Variants in PACRG observed in about 807,000 individuals in gnomAD.
PACRG encodes parkin coregulated gene protein.
Under a neutral mutation model 29.7 loss-of-function variants are expected in PACRG, and 29 were observed. That is an observed-to-expected ratio of 0.98 (90% CI 0.73 to 1.33). The LOEUF is 1.33. Among genes scored for constraint, PACRG ranks in the 40% most tolerant of loss-of-function variants. The pLI is 0.00. For missense variants in PACRG, 279 were observed against 316.2 expected (o/e 0.88, Z 0.89); for synonymous variants, 116 against 118.7 (o/e 0.98, Z 0.15).
At chr6:163,237,845 C>T (rs188817247) in intron 4 of PACRG, among the ~76,000 whole-genome samples, 27 of 152,302 alleles carry the variant, frequency 1.8e-4, no homozygotes, top group African/African-American at 5.1e-4. Flanking sequence ...TAAGCCAAGT[C>T]ATCAGGAAAA....
chr6:162,821,881 A>G (rs1787873188), intron 2 of PACRG, among the ~76,000 whole-genome samples: 1 of 152,192 alleles, frequency 6.6e-6, no homozygotes, highest in South Asian at 2.1e-4. Context: ...ACAGATGACA[A>G]ATGGAATCAG....
At chr6:162,992,491 G>C (rs1026978394) in intron 2 of PACRG, among the ~76,000 whole-genome samples, 1 of 148,036 alleles carries the variant, frequency 6.8e-6, no homozygotes, top group Non-Finnish European at 1.5e-5. Flanking sequence ...GTCGAGGAAT[G>C]TATCCATTTC....
chr6:163,292,687 G>C (rs764200048), intron 4 of PACRG, among the ~76,000 whole-genome samples: 28 of 152,022 alleles, frequency 1.8e-4, no homozygotes, highest in Non-Finnish European at 3.5e-4. Context: ...GCCTCCCAGA[G>C]TGCTGGGATT....
At chr6:163,083,573 C>T (rs1813273304) in intron 3 of PACRG, among the ~76,000 whole-genome samples, 1 of 152,166 alleles carries the variant, frequency 6.6e-6, no homozygotes, top group African/African-American at 2.4e-5. Context: ...CCTAAATTAA[C>T]TGAGACCTGT....
intron 3 of PACRG, among the ~76,000 whole-genome samples, chr6:163,085,336 G>C (rs1813457080): frequency 6.6e-6 from 1 of 152,152 alleles, no homozygotes; most frequent in South Asian, 2.1e-4. Flanking sequence ...TAAGGAGTGG[G>C]ATGGGAAGGA....
chr6:163,030,484 C>A (rs1235487129), intron 2 of PACRG, among the ~76,000 whole-genome samples: 3 of 152,130 alleles, frequency 2.0e-5, no homozygotes, highest in Non-Finnish European at 4.4e-5. Flanking sequence ...CATCAGAGCT[C>A]CCCTTCCCAG....
intron 2 of PACRG, among the ~76,000 whole-genome samples, chr6:162,960,510 A>T (rs1025417751): frequency 2.0e-5 from 3 of 152,220 alleles, no homozygotes; most frequent in African/African-American, 7.2e-5. Flanking sequence ...AGGAACAGAA[A>T]ACCAAATACT....
chr6:162,998,426 A>C (rs1200105350), intron 2 of PACRG, among the ~76,000 whole-genome samples: 1 of 152,120 alleles, frequency 6.6e-6, no homozygotes, highest in Non-Finnish European at 1.5e-5. Context: ...TTACTTTTTA[A>C]AGGATTAATG....
chr6:163,078,288 G>A (rs1265289060), intron 3 of PACRG, among the ~76,000 whole-genome samples: 3 of 152,150 alleles, frequency 2.0e-5, no homozygotes, highest in African/African-American at 7.2e-5. Flanking sequence ...GTCACCTGAG[G>A]TCAGAAGTTC....
chr6:162,952,689 C>A (rs1799741877), intron 2 of PACRG, among the ~76,000 whole-genome samples: 1 of 152,096 alleles, frequency 6.6e-6, no homozygotes, highest in African/African-American at 2.4e-5. Flanking sequence ...AAGGAGATAG[C>A]CCTGTTTAGT....
intron 2 of PACRG, among the ~76,000 whole-genome samples, chr6:162,962,094 T>A (rs1397601847): frequency 1.3e-5 from 2 of 152,194 alleles, no homozygotes; most frequent in Non-Finnish European, 2.9e-5. Flanking sequence ...TCAGGTCAAG[T>A]GCCCCCTCTT....
intron 1 of PACRG, among the ~76,000 whole-genome samples, chr6:162,737,738 G>A (rs1399352770): frequency 6.6e-6 from 1 of 152,046 alleles, no homozygotes; most frequent in African/African-American, 2.4e-5. Flanking sequence ...TTAATAAGAT[G>A]TAAAGTCGAA....
Position 163,089,406 on chromosome 6 carries a change from A to G in PACRG, c.611A>G (p.Asn204Ser), listed in dbSNP as rs1813890762. ...GTCCTGAACATCTTTAAGAATATGAATGGTGAGTGAGCCCACGAGTCAAAA... is the reference window on the plus strand; with the variant it reads ...GTCCTGAACATCTTTAAGAATATGAGTGGTGAGTGAGCCCACGAGTCAAAA... ...LPVLNIFKNMNVNSGDGIDYS... is the reference protein window; with the variant it reads ...LPVLNIFKNMSVNSGDGIDYS... The change falls in exon 4 of 5, where the codon AAT becomes AGT. Residue 204 changes from asparagine (N) to serine (S), a missense_variant and splice_region_variant. Transcript: ENST00000366888. 2.5e-6 allele frequency: 4 copies of G among 1,613,156 alleles called. No individual in the cohort carries two copies. Among genetic ancestry groups the G allele is most frequent in the Non-Finnish European group, 3.4e-6 (4 of 1,179,578 alleles).
chr6:162,811,068 G>C (rs1054245294), intron 1 of PACRG, among the ~76,000 whole-genome samples: 2 of 152,146 alleles, frequency 1.3e-5, no homozygotes, highest in Admixed American at 6.5e-5. Flanking sequence ...TTATAAATAA[G>C]GGAAAGCAAT....
At chr6:163,222,569 C>A (rs1369122201) in intron 4 of PACRG, among the ~76,000 whole-genome samples, 1 of 152,078 alleles carries the variant, frequency 6.6e-6, no homozygotes, top group African/African-American at 2.4e-5. Flanking sequence ...GAGAGTGAGA[C>A]CTTGTCTCAC....
chr6:162,914,508 GTT>G (rs3028611), intron 2 of PACRG, among the ~76,000 whole-genome samples: 34,746 of 94,328 alleles, frequency 0.37, 3,194 homozygotes, highest in Middle Eastern at 0.47. Flanking sequence ...GTACTTTTTT[GTT>G]TTTTTTTTTT....
At chr6:163,184,677 C>T (rs552517455) in intron 4 of PACRG, 23 of 152,250 alleles carry the variant, frequency 1.5e-4, no homozygotes, top group African/African-American at 5.3e-4. Context: ...GAGGAGTTAA[C>T]TCAGAGCCTT....
intron 2 of PACRG, among the ~76,000 whole-genome samples, chr6:162,953,676 C>G (rs1014907710): frequency 6.6e-6 from 1 of 152,092 alleles, no homozygotes; most frequent in South Asian, 2.1e-4. Context: ...GCTGTCCTCC[C>G]GCTCTCTCTC....
chr6:162,851,335 C>G (rs1790844764), intron 2 of PACRG, among the ~76,000 whole-genome samples: 1 of 152,196 alleles, frequency 6.6e-6, no homozygotes, highest in Admixed American at 6.5e-5. Flanking sequence ...CTATGATCTC[C>G]TTCATTCCCA....
Sources: gnomAD v4.1 joint callset for allele counts (sites outside exome capture counted in the v4.1 genomes callset) on GRCh38, gnomAD v4.1.1 for gene constraint, MANE v1.5 for transcripts, NCBI Gene and HGNC (gene_info 2026-07-23, HGNC 2026-07-21) for gene names.